FBXL7: variants seen among roughly 807,000 people sequenced by gnomAD.
FBXL7 encodes F-box/LRR-repeat protein 7.
FBXL7 carries 12 observed loss-of-function variants against 38.3 expected under a neutral mutation model. That is an observed-to-expected ratio of 0.31 (90% CI 0.20 to 0.51). FBXL7 has a LOEUF of 0.51. FBXL7 is among the 20% of genes least tolerant of loss of function. FBXL7 has a pLI of 0.98. For missense variants in FBXL7, 567 were observed against 676.4 expected, an observed-to-expected ratio of 0.84 and a Z score of 1.79; for synonymous variants, 297 against 300.9, an observed-to-expected ratio of 0.99 and a Z score of 0.13.
At chr5:15,888,087 T>G (rs1345741211) in intron 2 of FBXL7, among the ~76,000 whole-genome samples, 1 of 152,230 alleles carries the variant, frequency 6.6e-6, no homozygotes, top group African/African-American at 2.4e-5. Context: ...TAAGTGCTTT[T>G]ATAGTAACTA....
chr5:15,779,869 C>T (rs958065755), intron 2 of FBXL7, among the ~76,000 whole-genome samples: 2 of 152,194 alleles, frequency 1.3e-5, no homozygotes, highest in African/African-American at 2.4e-5. Flanking sequence ...GATAGAACCA[C>T]TTACTCTTGG....
intron 1 of FBXL7, among the ~76,000 whole-genome samples, chr5:15,544,358 C>T (rs1737841452): frequency 6.6e-6 from 1 of 152,204 alleles, no homozygotes; most frequent in Non-Finnish European, 1.5e-5. Context: ...GTCAAGGGAA[C>T]CTCACATGAG....
At chr5:15,550,201 T>A (rs1738022204) in intron 1 of FBXL7, among the ~76,000 whole-genome samples, 1 of 152,232 alleles carries the variant, frequency 6.6e-6, no homozygotes, top group Non-Finnish European at 1.5e-5. Context: ...GGCAGGACTT[T>A]TCGAAAGCAA....
At position 15,818,737 on chromosome 5, in the gene FBXL7, TGTGTGTGAGAGAGA is replaced by T. The variant is rs199870659; in HGVS notation, c.128-109151_128-109138del. Among the ~76,000 whole-genome samples the T allele has an allele frequency of 8.1e-3, 929 of 115,264 alleles. 5 individuals are homozygous for T. Among genetic ancestry groups the T allele is most frequent in the East Asian group, 0.035 (160 of 4,514 alleles). 75.6% of individuals were successfully genotyped at this position (115,264 alleles called of 152,430 possible). ...GTGTGTGTGTGTGTGTGTGTGTGTG[TGTGTGTGAGAGAGA>T]GAGAGATTTAAAATTCCCATGGGAT... On this transcript the variant is annotated intron_variant, in intron 2 of 3. Coordinates refer to ENST00000504595, the MANE Select transcript of FBXL7 (RefSeq NM_012304.5).
At chr5:15,927,412 G>A (rs1452551236) in intron 2 of FBXL7, among the ~76,000 whole-genome samples, 1 of 152,130 alleles carries the variant, frequency 6.6e-6, no homozygotes, top group East Asian at 1.9e-4. Flanking sequence ...GCATTGGCAG[G>A]AGTCGGCCCA....
chr5:15,891,663 TA>T (rs1215320818), intron 2 of FBXL7, among the ~76,000 whole-genome samples: 1 of 152,184 alleles, frequency 6.6e-6, no homozygotes, highest in African/African-American at 2.4e-5. Flanking sequence ...ATTATTATTT[TA>T]AAGAGGTTAT....
chr5:15,787,643 C>T (rs1039399706), intron 2 of FBXL7, among the ~76,000 whole-genome samples: 52 of 152,270 alleles, frequency 3.4e-4, no homozygotes, highest in African/African-American at 1.2e-3. Flanking sequence ...TATGGAGAAA[C>T]CTACTCTTTC....
chr5:15,531,136 T>C (rs1445183377), intron 1 of FBXL7, among the ~76,000 whole-genome samples: 1 of 152,126 alleles, frequency 6.6e-6, no homozygotes, highest in Non-Finnish European at 1.5e-5. Flanking sequence ...CTTCGAACAA[T>C]ATATATGTCC....
chr5:15,894,609 G>C (rs1741036364), intron 2 of FBXL7, among the ~76,000 whole-genome samples: 1 of 152,178 alleles, frequency 6.6e-6, no homozygotes, highest in Non-Finnish European at 1.5e-5. Flanking sequence ...GTTTAGATGA[G>C]GTTTTACTGA....
At chr5:15,720,508 C>T (rs1744164489) in intron 2 of FBXL7, among the ~76,000 whole-genome samples, 1 of 148,642 alleles carries the variant, frequency 6.7e-6, no homozygotes, top group Admixed American at 6.8e-5. Context: ...AGCATGCATA[C>T]TGGTTGTAAA....
intron 2 of FBXL7, among the ~76,000 whole-genome samples, chr5:15,803,649 G>T (rs898755833): frequency 6.6e-5 from 10 of 150,638 alleles, no homozygotes; most frequent in Non-Finnish European, 1.5e-4. Context: ...TGCAACCCCC[G>T]ATGTAAAAAT....
intron 1 of FBXL7, among the ~76,000 whole-genome samples, chr5:15,533,411 T>C (rs1737483322): frequency 6.6e-6 from 1 of 152,086 alleles, no homozygotes; most frequent in African/African-American, 2.4e-5. Flanking sequence ...TATTAAGCAT[T>C]GTTTACTTGG....
intron 2 of FBXL7, among the ~76,000 whole-genome samples, chr5:15,823,662 C>G (rs568321174): frequency 1.4e-4 from 21 of 152,250 alleles, no homozygotes; most frequent in African/African-American, 4.6e-4. Context: ...GCTCAGTTAA[C>G]CCAGACCTGC....
chr5:15,863,533 T>C (rs1317935309), intron 2 of FBXL7, among the ~76,000 whole-genome samples: 1 of 152,128 alleles, frequency 6.6e-6, no homozygotes, highest in African/African-American at 2.4e-5. Context: ...GTGACAAAAT[T>C]CCTTTTACTG....
At chr5:15,644,184 C>T (rs1022596908) in intron 2 of FBXL7, among the ~76,000 whole-genome samples, 2 of 151,714 alleles carry the variant, frequency 1.3e-5, no homozygotes, top group African/African-American at 4.8e-5. Flanking sequence ...TGACGCCAGG[C>T]GCAGTGGCCC....
intron 1 of FBXL7, among the ~76,000 whole-genome samples, chr5:15,526,963 C>A (rs1294892828): frequency 6.6e-6 from 1 of 152,118 alleles, no homozygotes; most frequent in African/African-American, 2.4e-5. Flanking sequence ...GGGTTTATTT[C>A]AAAATGAATC....
intron 2 of FBXL7, among the ~76,000 whole-genome samples, chr5:15,787,411 A>C (rs1238213547): frequency 6.6e-6 from 1 of 152,176 alleles, no homozygotes; most frequent in Non-Finnish European, 1.5e-5. Flanking sequence ...AAAGAAGATG[A>C]AGGCAAGCCG....
chr5:15,774,006 C>T (rs970650979), intron 2 of FBXL7, among the ~76,000 whole-genome samples: 2 of 152,008 alleles, frequency 1.3e-5, no homozygotes, highest in African/African-American at 4.8e-5. Context: ...TTTATTACTG[C>T]TGTAGCAAAT....
chr5:15,504,553 A>C (rs1055696474), intron 1 of FBXL7, among the ~76,000 whole-genome samples: 3 of 152,204 alleles, frequency 2.0e-5, no homozygotes, highest in African/African-American at 7.2e-5. Context: ...GTGAATATTC[A>C]GGTTATTGGA....
Sources: gnomAD v4.1 joint callset for allele counts (sites outside exome capture counted in the v4.1 genomes callset) on GRCh38, gnomAD v4.1.1 for gene constraint, MANE v1.5 for transcripts, NCBI Gene and HGNC (gene_info 2026-07-23, HGNC 2026-07-21) for gene names.